HSD17B12: variants seen among roughly 807,000 people sequenced by gnomAD.
HSD17B12 encodes the protein hydroxysteroid 17-beta dehydrogenase 12.
Under a neutral mutation model 39.3 loss-of-function variants are expected in HSD17B12, and 32 were observed. The ratio of observed to expected loss-of-function variants is 0.81; its 90% CI spans 0.61 to 1.09. The LOEUF is 1.09. Ranked by LOEUF, HSD17B12 falls within the 50% of genes least tolerant of loss-of-function variation. The probability of loss-of-function intolerance (pLI) is 0.00; values close to 1 mark genes in which losing one functional copy is unlikely to be tolerated. For synonymous variants in HSD17B12, 150 were observed against 146.7 expected, an observed-to-expected ratio of 1.02 and a Z score of -0.16; for missense variants, 342 against 382.9, an observed-to-expected ratio of 0.89 and a Z score of 0.89.
chr11:43,605,647 C>G, the HSD17B12 span, among the ~76,000 whole-genome samples: 1 of 151,918 alleles, frequency 6.6e-6, no homozygotes. Context: ...TGCTCAACCT[C>G]TTTGTCTCTG....
chr11:43,846,717 T>G (rs1951478397), intron 9 of HSD17B12, among the ~76,000 whole-genome samples: 1 of 152,152 alleles, frequency 6.6e-6, no homozygotes, highest in African/African-American at 2.4e-5. Context: ...TCAATTTAGT[T>G]TATCAAACAG....
chr11:43,773,622 C>G (rs555441771), intron 3 of HSD17B12, among the ~76,000 whole-genome samples: 1 of 152,210 alleles, frequency 6.6e-6, no homozygotes, highest in Non-Finnish European at 1.5e-5. Context: ...TACTCCGTGT[C>G]CCCATATGTA....
chr11:43,791,367 A>G (rs957347092), intron 3 of HSD17B12, among the ~76,000 whole-genome samples: 2 of 151,900 alleles, frequency 1.3e-5, no homozygotes, highest in Non-Finnish European at 2.9e-5. Context: ...CCCTGTCTCT[A>G]CTAAAAATAC....
At chr11:43,623,449 A>AT in the HSD17B12 span, among the ~76,000 whole-genome samples, 6 of 150,950 alleles carry the variant, frequency 4.0e-5, no homozygotes, top group South Asian at 2.1e-4. Context: ...ATAATCTGGG[A>AT]TTTTTTGTCT....
the HSD17B12 span, among the ~76,000 whole-genome samples, chr11:43,663,051 T>A: frequency 4.8e-4 from 14 of 29,192 alleles, no homozygotes; most frequent in East Asian, 0.012. Context: ...TTAAAAAAAA[T>A]TTTTTTGAGA....
the HSD17B12 span, among the ~76,000 whole-genome samples, chr11:43,647,009 T>C: frequency 6.6e-6 from 1 of 152,208 alleles, no homozygotes; most frequent in African/African-American, 2.4e-5. Context: ...CTGTTTTCAA[T>C]GAGGCATAAC....
chr11:43,777,710 T>C (rs552249351), intron 3 of HSD17B12, among the ~76,000 whole-genome samples: 1 of 152,310 alleles, frequency 6.6e-6, no homozygotes, highest in African/African-American at 2.4e-5. Context: ...TGCCTCCAGT[T>C]TTTGCCCATT....
At chr11:43,805,210 C>T (rs1025631682) in intron 4 of HSD17B12, among the ~76,000 whole-genome samples, 1 of 152,140 alleles carries the variant, frequency 6.6e-6, no homozygotes, top group Non-Finnish European at 1.5e-5. Context: ...TTGCTGTTCT[C>T]AATGTTATAA....
the HSD17B12 span, among the ~76,000 whole-genome samples, chr11:43,670,132 G>A: frequency 6.6e-6 from 1 of 152,160 alleles, no homozygotes; most frequent in South Asian, 2.1e-4. Flanking sequence ...ATTAAGATAG[G>A]TGGTCCAGGC....
At chr11:43,674,134 C>T in the HSD17B12 span, among the ~76,000 whole-genome samples, 1 of 152,116 alleles carries the variant, frequency 6.6e-6, no homozygotes, top group Non-Finnish European at 1.5e-5. Flanking sequence ...ACACTAAAGG[C>T]CAGAGTTTTA....
At chr11:43,705,378 C>T (rs1950003674) in intron 1 of HSD17B12, among the ~76,000 whole-genome samples, 1 of 152,148 alleles carries the variant, frequency 6.6e-6, no homozygotes, top group Admixed American at 6.6e-5. Flanking sequence ...TTTCAATTAA[C>T]TTGAAGTAAG....
At chr11:43,639,684 GA>G in the HSD17B12 span, among the ~76,000 whole-genome samples, 6 of 150,820 alleles carry the variant, frequency 4.0e-5, no homozygotes, top group Non-Finnish European at 7.4e-5. Flanking sequence ...AAGAGAAAAA[GA>G]AAAAAAAACT....
At chr11:43,597,943 C>A in the HSD17B12 span, among the ~76,000 whole-genome samples, 1 of 152,072 alleles carries the variant, frequency 6.6e-6, no homozygotes, top group Non-Finnish European at 1.5e-5. Flanking sequence ...CCCCCTCCTG[C>A]TTTTCTTTTT....
the HSD17B12 span, among the ~76,000 whole-genome samples, chr11:43,674,772 T>G: frequency 6.6e-6 from 1 of 152,246 alleles, no homozygotes; most frequent in African/African-American, 2.4e-5. Flanking sequence ...ATTCCGGTGT[T>G]GATTGCTTTC....
chr11:43,581,509 C>G, the HSD17B12 span: 1 of 481,040 alleles, frequency 2.1e-6, no homozygotes, highest in Non-Finnish European at 4.4e-6. This position sits in a 1 kb window ranked among gnomAD's most constrained non-coding sequence, Gnocchi z 4.9. Context: ...CGGCAGCCAT[C>G]CAGCGATCGC....
chr11:43,604,353 G>A, the HSD17B12 span, among the ~76,000 whole-genome samples: 1 of 152,116 alleles, frequency 6.6e-6, no homozygotes, highest in Non-Finnish European at 1.5e-5. Flanking sequence ...TTTTATAAAG[G>A]AGGACAATGT....
chr11:43,655,692 T>C, the HSD17B12 span, among the ~76,000 whole-genome samples: 262 of 152,366 alleles, frequency 1.7e-3, no homozygotes, highest in African/African-American at 6.1e-3. Context: ...GTTCTGTTTA[T>C]ATGCTGGATT....
chr11:43,741,084 T>G (rs1383365852), intron 1 of HSD17B12, among the ~76,000 whole-genome samples: 4 of 152,244 alleles, frequency 2.6e-5, no homozygotes, highest in African/African-American at 9.6e-5. Flanking sequence ...TTTGTTTTAT[T>G]TGGTTTTCAT....
At chr11:43,664,514 T>C in the HSD17B12 span, among the ~76,000 whole-genome samples, 2 of 152,154 alleles carry the variant, frequency 1.3e-5, no homozygotes, top group African/African-American at 2.4e-5. Flanking sequence ...TTCTGAAAAA[T>C]AACACAGGGA....
Sources: allele counts gnomAD v4.1 joint callset (sites outside exome capture counted in the v4.1 genomes callset), GRCh38; gene constraint gnomAD v4.1.1; non-coding constraint Gnocchi (gnomAD v3.1); transcripts MANE v1.5; gene names NCBI Gene and HGNC (gene_info 2026-07-23, HGNC 2026-07-21).